Variants in ANKRD6 observed in about 807,000 individuals in gnomAD.
ANKRD6 encodes ankyrin repeat domain-containing protein 6.
ANKRD6 carries 56 observed loss-of-function variants against 82.3 expected under a neutral mutation model. The observed-to-expected ratio is 0.68, with a 90% CI of 0.55 to 0.85. ANKRD6 has a LOEUF of 0.85. Ranked by LOEUF, ANKRD6 falls within the 40% of genes least tolerant of loss-of-function variation. The pLI is 0.00. For missense variants in ANKRD6, 852 were observed against 907.6 expected (o/e 0.94, Z 0.79); for synonymous variants, 347 against 352.1 (o/e 0.99, Z 0.16).
intron 1 of ANKRD6, among the ~76,000 whole-genome samples, chr6:89,500,991 T>TTTG (rs1273785744): frequency 1.3e-5 from 2 of 150,956 alleles, no homozygotes; most frequent in Non-Finnish European, 2.9e-5. Flanking sequence ...TTTTTTTTTT[T>TTTG]TCTAGCACAG....
chr6:89,500,841 CTTG>C (rs1023361163), intron 1 of ANKRD6, among the ~76,000 whole-genome samples: 10 of 152,066 alleles, frequency 6.6e-5, no homozygotes, highest in African/African-American at 2.4e-4. Context: ...TCTGTTGATT[CTTG>C]TTGTATTTTG....
rs749113862 is a variant in ANKRD6, at chr6:89,623,872, G to C, written c.1033G>C (p.Val345Leu). 6.2e-7 allele frequency: 1 copy of C among 1,611,640 alleles called. No homozygotes were observed. The highest frequency in any genetic ancestry group is 1.3e-5 in the African/African-American group (1 of 74,968). Residue 345 changes from valine to leucine, a missense_variant and splice_region_variant, in exon 12 of 16, where the codon GTG becomes CTG. By Grantham distance (32) the Val-to-Leu change is conservative. Transcript: ENST00000339746. ...DDRRRKSRPK[V>L]SAFSDPTPPA... ...GGTGTTGTCTCTTCCTCTCTTACAGGTGTCAGCATTTTCTGACCCCACCCC... is the reference window on the plus strand; with the variant it reads ...GGTGTTGTCTCTTCCTCTCTTACAGCTGTCAGCATTTTCTGACCCCACCCC...
rs747468345 is a variant in ANKRD6 at position 89,630,591 on chromosome 6, G to A, written c.1771G>A (p.Val591Ile). The A allele has an allele frequency of 5.0e-6, 8 of 1,613,878 alleles. No individual in the cohort carries two copies. The highest frequency in any genetic ancestry group is 1.3e-5 in the African/African-American group (1 of 75,066). The change falls in exon 16 of 16, where the codon GTC becomes ATC. Residue 591 changes from valine to isoleucine, a missense_variant. By Grantham distance (29) the Val-to-Ile change is conservative. Coordinates refer to ENST00000339746, the MANE Select transcript of ANKRD6 (RefSeq NM_001242809.2). ...SDCTGSRLRN[V>I]KVQTALLPMN... The stretch of plus-strand genomic sequence containing the variant: ...CTGTACAGGCTCCCGACTGAGAAAC[G>A]TCAAGGTCCAGACAGCCTTGCTACC...
rs1009716600 is a variant in ANKRD6, at chr6:89,622,112, G to C, written c.897+86G>C. Reference sequence around the variant, plus strand: ...CTCCCTGCTTCGGCCAGGTTCACCTGGTGGCTGCCCGGCCCTCTCTGCCTC... The same window carrying C: ...CTCCCTGCTTCGGCCAGGTTCACCTCGTGGCTGCCCGGCCCTCTCTGCCTC... On this transcript the variant is annotated intron_variant, in intron 10 of 15. Coordinates refer to ENST00000339746, the MANE Select transcript of ANKRD6 (RefSeq NM_001242809.2). 5.6e-6 allele frequency: 7 copies of C among 1,255,002 alleles called. No homozygotes were observed. The African/African-American group carries it at 8.9e-5, about 16-fold the overall frequency. The allele number at this position is 1,255,002 out of a possible 1,614,324, so 77.7% of individuals were successfully genotyped here.
rs1199965236 is a variant in ANKRD6, at chr6:89,606,082, G to A, written c.394G>A (p.Ala132Thr). The change falls in exon 5 of 16, where the codon GCC becomes ACC. Residue 132 changes from alanine (A) to threonine (T), a missense_variant. Physicochemically the swap from Ala to Thr is moderately conservative, Grantham distance 58 (BLOSUM62 0). Transcript: ENST00000339746. ...QSAKLLIKAG[A>T]NVLAKNKAGN... ...AGCCAAGCTGCTCATTAAAGCAGGA[G>A]CCAACGTGCTTGCCAAGAACAAGGT... 5.7e-6 allele frequency: 9 copies of A among 1,578,952 alleles called. No individual in the cohort carries two copies. The highest frequency in any genetic ancestry group is 7.7e-6 in the Non-Finnish European group (9 of 1,161,604).
At chr6:89,504,958 A>G (rs533229261) in intron 1 of ANKRD6, 1 of 152,312 alleles carries the variant, frequency 6.6e-6, no homozygotes, top group South Asian at 2.1e-4. Context: ...GTGAGCTTTA[A>G]CTGTAAGTAG....
At chr6:89,505,884 T>C (rs1331393216) in intron 1 of ANKRD6, among the ~76,000 whole-genome samples, 2 of 152,192 alleles carry the variant, frequency 1.3e-5, no homozygotes, top group Non-Finnish European at 2.9e-5. Flanking sequence ...TATTCATCCT[T>C]AATAAAGGAG....
intron 2 of ANKRD6, among the ~76,000 whole-genome samples, chr6:89,576,864 T>C (rs1427650606): frequency 6.6e-6 from 1 of 152,156 alleles, no homozygotes; most frequent in African/African-American, 2.4e-5. Flanking sequence ...CTGGTTACCA[T>C]GTCTCCATCT....
chr6:89,576,664 T>C (rs1791172755), intron 2 of ANKRD6, among the ~76,000 whole-genome samples: 1 of 152,150 alleles, frequency 6.6e-6, no homozygotes, highest in African/African-American at 2.4e-5. Context: ...GGCTAGAATT[T>C]GACACTGTTG....
At chr6:89,567,132 G>A in intron 2 of ANKRD6, 36 bp downstream of exon 2, 1 of 1,557,234 alleles carries the variant, frequency 6.4e-7, no homozygotes, top group Middle Eastern at 1.7e-4. Flanking sequence ...CCATTCCCTG[G>A]GAACTGGCCT....
intron 1 of ANKRD6, among the ~76,000 whole-genome samples, chr6:89,486,470 C>T (rs530648125): frequency 1.2e-4 from 19 of 152,202 alleles, no homozygotes; most frequent in African/African-American, 4.3e-4. Context: ...GATTGTATTA[C>T]ACAATTTTAC....
chr6:89,550,408 G>C (rs561176623), intron 1 of ANKRD6, among the ~76,000 whole-genome samples: 1 of 152,150 alleles, frequency 6.6e-6, no homozygotes, highest in African/African-American at 2.4e-5. Flanking sequence ...AAAATCTTGA[G>C]TGAAAGAAGC....
chr6:89,551,254 C>T (rs1349346807), intron 1 of ANKRD6, among the ~76,000 whole-genome samples: 2 of 152,192 alleles, frequency 1.3e-5, no homozygotes, highest in Admixed American at 6.5e-5. Context: ...CTTTTCCTCA[C>T]GCTGGTATGC....
At chr6:89,481,978 A>T (rs1445992674) in intron 1 of ANKRD6, among the ~76,000 whole-genome samples, 1 of 152,230 alleles carries the variant, frequency 6.6e-6, no homozygotes, top group African/African-American at 2.4e-5. Flanking sequence ...TAACATAGAC[A>T]GAAAGATGAG....
At chr6:89,460,793 G>A (rs1774031890) in intron 1 of ANKRD6, among the ~76,000 whole-genome samples, 1 of 151,700 alleles carries the variant, frequency 6.6e-6, no homozygotes, top group Non-Finnish European at 1.5e-5. Context: ...TTGCTACTTA[G>A]GATCATTTCA....
At position 89,573,303 on chromosome 6, in the gene ANKRD6, C is replaced by G. The variant is rs556277409; in HGVS notation, c.120+6207C>G. 2.6e-5 allele frequency among the ~76,000 whole-genome samples: 4 copies of G among 152,242 alleles called. 1 individual carries two copies. Among genetic ancestry groups the G allele is most frequent in the African/African-American group, 9.6e-5 (4 of 41,534 alleles). On this transcript the variant is annotated intron_variant, in intron 2 of 15. Coordinates refer to ENST00000339746, the MANE Select transcript of ANKRD6 (RefSeq NM_001242809.2). ...TTATTTTTCCTGGAGCTGATAGTTA[C>G]CCTAATTTTTTCACTTGTTTAATTT...
chr6:89,538,936 A>G (rs909325701), intron 1 of ANKRD6, among the ~76,000 whole-genome samples: 10 of 152,198 alleles, frequency 6.6e-5, no homozygotes, highest in Non-Finnish European at 4.4e-5. Flanking sequence ...GTTTCAACAG[A>G]TTCTTATGAC....
chr6:89,610,674 GT>G (rs1799995221), intron 5 of ANKRD6, among the ~76,000 whole-genome samples: 1 of 152,036 alleles, frequency 6.6e-6, no homozygotes, highest in Admixed American at 6.6e-5. Context: ...CAACTTGAGA[GT>G]AGTGTTTTTA....
chr6:89,524,731 T>C (rs188021103), intron 1 of ANKRD6, among the ~76,000 whole-genome samples: 1 of 152,304 alleles, frequency 6.6e-6, no homozygotes, highest in East Asian at 1.9e-4. Context: ...TTCTTTTTCT[T>C]TGGGTAGATA....
Sources: gnomAD v4.1 joint callset for allele counts (sites outside exome capture counted in the v4.1 genomes callset) on GRCh38, gnomAD v4.1.1 for gene constraint, MANE v1.5 for transcripts, NCBI Gene and HGNC (gene_info 2026-07-23, HGNC 2026-07-21) for gene names.